The following LRBA variants were observed in gnomAD, a reference collection of about 807,000 sequenced individuals.
LRBA encodes the protein lipopolysaccharide-responsive and beige-like anchor protein.
Under a neutral mutation model 330.0 loss-of-function variants are expected in LRBA, and 176 were observed. The observed-to-expected ratio is 0.53, with a 90% CI of 0.47 to 0.60. LRBA has a LOEUF of 0.60. Ranked by LOEUF, LRBA falls within the 20% of genes least tolerant of loss-of-function variation. The pLI is 0.00. For synonymous variants in LRBA, 1,230 were observed against 1,193.0 expected (o/e 1.03, Z -0.64); for missense variants, 3,259 against 3,444.8 (o/e 0.95, Z 1.35).
At chr4:150,479,220 G>A (rs991181488) in intron 42 of LRBA, among the ~76,000 whole-genome samples, 19 of 151,954 alleles carry the variant, frequency 1.3e-4, no homozygotes, top group Admixed American at 1.2e-3. Context: ...TTGAGCTGCC[G>A]TGATTGTACC....
chr4:150,883,875 A>C (rs567481680), intron 17 of LRBA, among the ~76,000 whole-genome samples: 4 of 152,230 alleles, frequency 2.6e-5, no homozygotes, highest in Non-Finnish European at 5.9e-5. Context: ...AGTAGCAAAA[A>C]TTAAAACATA....
intron 52 of LRBA, among the ~76,000 whole-genome samples, chr4:150,305,235 T>C (rs1298901788): frequency 6.6e-6 from 1 of 151,984 alleles, no homozygotes; most frequent in African/African-American, 2.4e-5. Context: ...AGGGAAAAAA[T>C]GTAGCTGTAA....
intron 2 of LRBA, among the ~76,000 whole-genome samples, chr4:150,979,455 G>A (rs1740590355): frequency 6.6e-6 from 1 of 152,072 alleles, no homozygotes; most frequent in Non-Finnish European, 1.5e-5. Context: ...TCATCTGAAA[G>A]TACAAAATTA....
At chr4:150,425,523 C>T (rs1749464076) in intron 46 of LRBA, among the ~76,000 whole-genome samples, 1 of 152,204 alleles carries the variant, frequency 6.6e-6, no homozygotes, top group Non-Finnish European at 1.5e-5. Context: ...GCTTTGATCA[C>T]AAATCCCAAG....
intron 47 of LRBA, among the ~76,000 whole-genome samples, chr4:150,372,491 G>A (rs1395620831): frequency 6.9e-6 from 1 of 144,578 alleles, no homozygotes; most frequent in Non-Finnish European, 1.5e-5. Flanking sequence ...GTTCCAGCTA[G>A]TAGGGAGGCT....
intron 4 of LRBA, 25 bp from the exon 5 acceptor site, chr4:150,921,318 T>A: frequency 7.5e-7 from 1 of 1,335,230 alleles, no homozygotes; most frequent in Non-Finnish European, 1.1e-6. Flanking sequence ...AACAATTCAT[T>A]AACCACATTA....
chr4:150,861,689 T>G (rs1156929702), intron 22 of LRBA, among the ~76,000 whole-genome samples: 1 of 152,226 alleles, frequency 6.6e-6, no homozygotes, highest in Non-Finnish European at 1.5e-5. Context: ...AAAACTACTT[T>G]TCTTTGTTCA....
At chr4:150,568,940 C>G (rs1769498054) in intron 40 of LRBA, among the ~76,000 whole-genome samples, 1 of 152,068 alleles carries the variant, frequency 6.6e-6, no homozygotes, top group Non-Finnish European at 1.5e-5. Flanking sequence ...CTATAACTAA[C>G]TTTTACCAGG....
At chr4:151,012,164 C>G (rs1744934861) in intron 2 of LRBA, among the ~76,000 whole-genome samples, 2 of 152,138 alleles carry the variant, frequency 1.3e-5, no homozygotes, top group Admixed American at 1.3e-4. Context: ...CTCCTTCTAT[C>G]CAGGCACCTA....
intron 40 of LRBA, among the ~76,000 whole-genome samples, chr4:150,559,809 T>C (rs1767958873): frequency 1.3e-5 from 1 of 74,124 alleles, no homozygotes; most frequent in Non-Finnish European, 2.4e-5. Flanking sequence ...ATATGTTATA[T>C]ATAATAATAT....
intron 40 of LRBA, among the ~76,000 whole-genome samples, chr4:150,559,469 G>A (rs1433613017): frequency 6.8e-6 from 1 of 146,672 alleles, no homozygotes; most frequent in African/African-American, 2.5e-5. Context: ...GTTGAGGCAG[G>A]AGAATCGCTT....
chr4:150,812,335 C>T (rs1262620004), intron 31 of LRBA, among the ~76,000 whole-genome samples: 3 of 152,118 alleles, frequency 2.0e-5, no homozygotes, highest in African/African-American at 7.2e-5. Context: ...TGACAGTTTT[C>T]CAGACATTCA....
chr4:150,749,586 T>C (rs1733251061), intron 35 of LRBA, among the ~76,000 whole-genome samples: 1 of 151,680 alleles, frequency 6.6e-6, no homozygotes, highest in African/African-American at 2.4e-5. Context: ...CAAGTCCCTA[T>C]CTCTACCCAA....
intron 47 of LRBA, among the ~76,000 whole-genome samples, chr4:150,361,548 C>G (rs1738694523): frequency 6.6e-6 from 1 of 152,136 alleles, no homozygotes; most frequent in Non-Finnish European, 1.5e-5. Context: ...GCTTGACACT[C>G]TCTCTCCAGA....
At chr4:150,981,876 C>T (rs939018336) in intron 2 of LRBA, among the ~76,000 whole-genome samples, 5 of 149,690 alleles carry the variant, frequency 3.3e-5, no homozygotes, top group African/African-American at 7.4e-5. Flanking sequence ...GGCAGGAGAA[C>T]GGTGTGAACC....
intron 47 of LRBA, 137 bp from the exon 48 acceptor site, chr4:150,350,296 G>T: frequency 1.5e-6 from 1 of 667,570 alleles, no homozygotes; most frequent in South Asian, 2.4e-5. Flanking sequence ...TTGTGGCCGG[G>T]CGCAGTGGCT....
At chr4:150,651,063 T>G (rs1240546859) in intron 37 of LRBA, among the ~76,000 whole-genome samples, 1 of 152,210 alleles carries the variant, frequency 6.6e-6, no homozygotes, top group Non-Finnish European at 1.5e-5. Flanking sequence ...TACTTGCAAT[T>G]AAAATCCTCT....
At chr4:150,689,489 C>T (rs929735270) in intron 36 of LRBA, among the ~76,000 whole-genome samples, 1 of 151,110 alleles carries the variant, frequency 6.6e-6, no homozygotes, top group African/African-American at 2.4e-5. Context: ...TTAAAAAGTC[C>T]TAAAAGATTT....
intron 40 of LRBA, among the ~76,000 whole-genome samples, chr4:150,507,489 A>G (rs1386499504): frequency 1.4e-5 from 2 of 142,634 alleles, no homozygotes; most frequent in African/African-American, 2.4e-5. Flanking sequence ...AGGATTCCTT[A>G]TATAATAAAT....
Sources: allele counts gnomAD v4.1 joint callset (sites outside exome capture counted in the v4.1 genomes callset), GRCh38; gene constraint gnomAD v4.1.1; transcripts MANE v1.5; gene names NCBI Gene and HGNC (gene_info 2026-07-23, HGNC 2026-07-21).